The following MAN1A1 variants were observed in gnomAD, a reference collection of about 807,000 sequenced individuals.
MAN1A1 encodes the protein mannosidase alpha class 1A member 1.
A neutral mutation model predicts 70.8 loss-of-function variants in MAN1A1; 29 were observed. That is an observed-to-expected ratio of 0.41 (90% CI 0.31 to 0.56). The LOEUF (loss-of-function observed/expected upper bound fraction) is 0.56. Ranked by LOEUF, MAN1A1 falls within the 20% of genes least tolerant of loss-of-function variation. The pLI is 0.29. For missense variants in MAN1A1, 747 were observed against 841.3 expected, an observed-to-expected ratio of 0.89 and a Z score of 1.39; for synonymous variants, 349 against 330.1, an observed-to-expected ratio of 1.06 and a Z score of -0.62.
chr6:119,242,647 T>A (rs2114310710), intron 6 of MAN1A1, among the ~76,000 whole-genome samples: 1 of 152,302 alleles, frequency 6.6e-6, no homozygotes. Context: ...AAAATTCCAA[T>A]GTCCATCTGT....
intron 6 of MAN1A1, among the ~76,000 whole-genome samples, chr6:119,228,398 T>C (rs1183226591): frequency 6.6e-6 from 1 of 152,188 alleles, no homozygotes; most frequent in South Asian, 2.1e-4. Context: ...TCTTTAATAA[T>C]ATATAGTGAT....
At chr6:119,249,667 A>T (rs1204303362) in intron 5 of MAN1A1, among the ~76,000 whole-genome samples, 1 of 152,132 alleles carries the variant, frequency 6.6e-6, no homozygotes, top group Admixed American at 6.5e-5. Context: ...CTCCAGAGGG[A>T]AGGGCTTCAG....
chr6:119,235,138 T>C (rs1001467334), intron 6 of MAN1A1, among the ~76,000 whole-genome samples: 1 of 152,148 alleles, frequency 6.6e-6, no homozygotes, highest in African/African-American at 2.4e-5. Context: ...TACTACAATA[T>C]TGGAATCAGG....
In MAN1A1 at chr6:119,199,098, T is replaced by C. The variant is rs1457701185; in HGVS notation, c.1210+2156A>G. 2.0e-5 allele frequency among the ~76,000 whole-genome samples: 3 copies of C among 152,356 alleles called. No homozygotes were observed. In the East Asian group the frequency reaches 5.8e-4, roughly 29 times the overall value. ...CTGAACTATGCAGATCTTTCAAATA[T>C]TGACCCATTCCATTATACAATATCA... On this transcript the variant is annotated intron_variant, in intron 8 of 12. Transcript: ENST00000368468.
intron 6 of MAN1A1, among the ~76,000 whole-genome samples, chr6:119,238,745 C>A (rs1243157111): frequency 6.6e-6 from 1 of 152,080 alleles, no homozygotes; most frequent in Non-Finnish European, 1.5e-5. Flanking sequence ...CTGTTTTGTA[C>A]AAATGTTCCA....
At chr6:119,305,300 T>C (rs1772498159) in intron 3 of MAN1A1, among the ~76,000 whole-genome samples, 2 of 152,148 alleles carry the variant, frequency 1.3e-5, no homozygotes. Context: ...ATTATGGCAA[T>C]TTAACACATT....
At chr6:119,282,907 T>C (rs997693474) in intron 5 of MAN1A1, among the ~76,000 whole-genome samples, 1 of 152,326 alleles carries the variant, frequency 6.6e-6, no homozygotes, top group Admixed American at 6.5e-5. Context: ...AGAATCACTT[T>C]CACATTTACT....
At chr6:119,266,039 C>T (rs1775744061) in intron 5 of MAN1A1, among the ~76,000 whole-genome samples, 1 of 151,880 alleles carries the variant, frequency 6.6e-6, no homozygotes, top group Admixed American at 6.6e-5. Flanking sequence ...AAATGAAATA[C>T]TTAGATATAA....
intron 8 of MAN1A1, 42 bp downstream of exon 8, chr6:119,201,212 A>C (rs1470471604): frequency 2.9e-6 from 4 of 1,398,566 alleles, no homozygotes. Context: ...CCACGAGTAC[A>C]GTACCAAAAA....
At chr6:119,194,673 A>G (rs372922536) in intron 8 of MAN1A1, among the ~76,000 whole-genome samples, 10 of 152,206 alleles carry the variant, frequency 6.6e-5, no homozygotes, top group South Asian at 2.1e-4. Flanking sequence ...AGGGTCAAAT[A>G]CCTATGGGAC....
At chr6:119,309,585 A>C (rs1356677813) in intron 2 of MAN1A1, among the ~76,000 whole-genome samples, 5 of 152,180 alleles carry the variant, frequency 3.3e-5, no homozygotes, top group Admixed American at 1.3e-4. Flanking sequence ...AGGGTTCTAA[A>C]GCCTGACATT....
At position 119,273,123 on chromosome 6, in the gene MAN1A1, C is replaced by T. The variant is rs570663000; in HGVS notation, c.897+17560G>A. Among the ~76,000 whole-genome samples the T allele has an allele frequency of 2.0e-5, 3 of 152,188 alleles. No homozygotes were observed. In the East Asian group the frequency reaches 5.8e-4, roughly 29 times the overall value. ...TTTAAATCTTTAGAGGTTGGAAAAA[C>T]TGAATCCTGAGTAAGACTGGGGCAG... On this transcript the variant is annotated intron_variant, in intron 5 of 12. Transcript: ENST00000368468.
intron 6 of MAN1A1, among the ~76,000 whole-genome samples, chr6:119,235,291 C>T (rs1774810806): frequency 6.6e-6 from 1 of 152,154 alleles, no homozygotes; most frequent in Non-Finnish European, 1.5e-5. Flanking sequence ...AAAGCTATGC[C>T]TCTTGTGCCA....
Position 119,179,815 on chromosome 6 carries a change from CT to C in MAN1A1, c.*3del, listed in dbSNP as rs757267439. ...TGGAGCAGAATAAAATATAAAATGTCTTTTTATTCCTCTCTGATTTCAACTT... is the reference window on the plus strand; with the variant it reads ...TGGAGCAGAATAAAATATAAAATGTCTTTTATTCCTCTCTGATTTCAACTT... On this transcript the variant is annotated 3_prime_UTR_variant, in exon 13 of 13. Coordinates refer to ENST00000368468, the MANE Select transcript of MAN1A1 (RefSeq NM_005907.4). The C allele has an allele frequency of 1.9e-6, 3 of 1,609,844 alleles. No homozygotes were observed. Among genetic ancestry groups the C allele is most frequent in the Middle Eastern group, 1.7e-4 (1 of 6,040 alleles).
chr6:119,283,102 T>G (rs959007729), intron 5 of MAN1A1, among the ~76,000 whole-genome samples: 2 of 152,208 alleles, frequency 1.3e-5, no homozygotes, highest in African/African-American at 4.8e-5. Flanking sequence ...GGATGATGTT[T>G]TGCTAGCTGG....
intron 6 of MAN1A1, 41 bp downstream of exon 6, chr6:119,248,219 A>G (rs752755923): frequency 3.2e-5 from 42 of 1,331,586 alleles, no homozygotes; most frequent in Non-Finnish European, 4.0e-5. Flanking sequence ...AATCTGGAAT[A>G]TTTCACCTTA....
chr6:119,183,153 G>A (rs1368505776), intron 11 of MAN1A1, among the ~76,000 whole-genome samples: 2 of 152,180 alleles, frequency 1.3e-5, no homozygotes, highest in South Asian at 2.1e-4. Flanking sequence ...AGGACAGAAG[G>A]GAGAGAGCAG....
intron 5 of MAN1A1, among the ~76,000 whole-genome samples, chr6:119,286,136 G>C (rs1359059729): frequency 6.6e-6 from 1 of 152,080 alleles, no homozygotes; most frequent in Admixed American, 6.6e-5. Flanking sequence ...TTTTTTTGCA[G>C]AATCAGGCAG....
intron 4 of MAN1A1, among the ~76,000 whole-genome samples, chr6:119,295,728 C>T (rs1483812935): frequency 6.6e-6 from 1 of 152,168 alleles, no homozygotes; most frequent in Non-Finnish European, 1.5e-5. Context: ...CTTTTGCTAG[C>T]TATTCCTCCA....
Sources: allele counts gnomAD v4.1 joint callset (sites outside exome capture counted in the v4.1 genomes callset), GRCh38; gene constraint gnomAD v4.1.1; transcripts MANE v1.5; gene names NCBI Gene and HGNC (gene_info 2026-07-23, HGNC 2026-07-21).